UBTD1: variants seen among roughly 807,000 people sequenced by gnomAD.
The protein encoded by UBTD1 is ubiquitin domain containing 1, also known as ubiquitin domain-containing protein 1.
UBTD1 carries 19 observed loss-of-function variants against 21.7 expected under a neutral mutation model. That is an observed-to-expected ratio of 0.87 (90% CI 0.61 to 1.28). The LOEUF (loss-of-function observed/expected upper bound fraction) is 1.28, where lower values mean the gene tolerates loss of function less well. UBTD1 is among the 50% of genes most tolerant of loss of function. The pLI, the probability that UBTD1 is intolerant of heterozygous loss-of-function variation, is 0.00. For missense variants in UBTD1, 282 were observed against 315.1 expected, an observed-to-expected ratio of 0.89 and a Z score of 0.80; for synonymous variants, 116 against 135.1, an observed-to-expected ratio of 0.86 and a Z score of 0.98.
chr10:97,527,077 A>G (rs1358495186), intron 1 of UBTD1, among the ~76,000 whole-genome samples: 2 of 145,432 alleles, frequency 1.4e-5, no homozygotes, highest in East Asian at 4.3e-4. Flanking sequence ...AGGCTGAGGC[A>G]TGAGAATTGC....
intron 1 of UBTD1, among the ~76,000 whole-genome samples, chr10:97,565,855 G>C (rs949731202): frequency 2.0e-5 from 3 of 151,910 alleles, no homozygotes; most frequent in African/African-American, 7.3e-5. Flanking sequence ...TGGGACTACA[G>C]CTGCATGCCA....
intron 1 of UBTD1, among the ~76,000 whole-genome samples, chr10:97,567,607 C>T (rs531461084): frequency 4.6e-5 from 7 of 151,798 alleles, no homozygotes; most frequent in South Asian, 2.1e-4. Flanking sequence ...TGCAGTGAGC[C>T]GAGGTCATGC....
chr10:97,555,556 T>C (rs558208646), intron 1 of UBTD1, among the ~76,000 whole-genome samples: 1 of 152,302 alleles, frequency 6.6e-6, no homozygotes, highest in Non-Finnish European at 1.5e-5. Flanking sequence ...AGCTACTGCC[T>C]TAAAATCCGA....
intron 1 of UBTD1, among the ~76,000 whole-genome samples, chr10:97,557,421 G>A (rs529295759): frequency 1.4e-4 from 22 of 151,962 alleles, no homozygotes; most frequent in Non-Finnish European, 2.5e-4. Flanking sequence ...GCTCCCACTC[G>A]TGCAGGAGGG....
intron 1 of UBTD1, among the ~76,000 whole-genome samples, chr10:97,541,108 T>C (rs2040584921): frequency 6.6e-6 from 1 of 152,232 alleles, no homozygotes; most frequent in Admixed American, 6.5e-5. Context: ...TGCCTCAGTG[T>C]CCTCATCCGT....
At chr10:97,514,024 T>TA (rs992788428) in intron 1 of UBTD1, among the ~76,000 whole-genome samples, 11 of 151,986 alleles carry the variant, frequency 7.2e-5, no homozygotes, top group African/African-American at 2.7e-4. Flanking sequence ...TCTTTTTTTT[T>TA]TTTTAAAGGC....
intron 1 of UBTD1, among the ~76,000 whole-genome samples, chr10:97,555,317 A>T (rs1464400677): frequency 2.0e-5 from 3 of 152,212 alleles, no homozygotes; most frequent in Non-Finnish European, 2.9e-5. Flanking sequence ...TAAACTTCAT[A>T]AAAAATATCT....
intron 1 of UBTD1, among the ~76,000 whole-genome samples, chr10:97,532,529 C>T (rs1027015247): frequency 4.6e-5 from 7 of 151,678 alleles, no homozygotes; most frequent in Non-Finnish European, 7.4e-5. Flanking sequence ...CGGTGGCTCA[C>T]GCCTGTAATC....
At chr10:97,513,433 C>G (rs1421150824) in intron 1 of UBTD1, among the ~76,000 whole-genome samples, 1 of 152,054 alleles carries the variant, frequency 6.6e-6, no homozygotes, top group Non-Finnish European at 1.5e-5. Flanking sequence ...CCTGGGAGCT[C>G]GAGTTACGGA....
chr10:97,521,035 A>T (rs2040465038), intron 1 of UBTD1, among the ~76,000 whole-genome samples: 1 of 152,104 alleles, frequency 6.6e-6, no homozygotes, highest in Non-Finnish European at 1.5e-5. Flanking sequence ...GAGGAGGGAG[A>T]TCTGCTGGGG....
intron 1 of UBTD1, among the ~76,000 whole-genome samples, 189 bp downstream of exon 1, chr10:97,499,462 C>G (rs2040315491): frequency 1.3e-5 from 2 of 152,336 alleles, no homozygotes; most frequent in Middle Eastern, 6.8e-3. Context: ...GGGGCAACTG[C>G]GAGCACTGAG....
intron 1 of UBTD1, among the ~76,000 whole-genome samples, chr10:97,508,908 C>T (rs1382020311): frequency 1.3e-5 from 2 of 152,200 alleles, no homozygotes; most frequent in Non-Finnish European, 2.9e-5. Flanking sequence ...CCTCCTCCTT[C>T]TCCCAGAGCA....
At chr10:97,502,393 T>G (rs751818301) in intron 1 of UBTD1, among the ~76,000 whole-genome samples, 1 of 152,174 alleles carries the variant, frequency 6.6e-6, no homozygotes, top group Non-Finnish European at 1.5e-5. Flanking sequence ...TAGTTTTACG[T>G]TGTAAGACTA....
rs536278685 is a variant in UBTD1 at position 97,565,211 on chromosome 10, A to G, written c.71-2703A>G. Among the ~76,000 whole-genome samples, 3 of 152,304 alleles carry G rather than the reference A, an allele frequency of 2.0e-5. No individual in the cohort carries two copies. The East Asian group carries it at 5.8e-4, about 29-fold the overall frequency. On this transcript the variant is annotated intron_variant, in intron 1 of 2. Coordinates refer to ENST00000370664, the MANE Select transcript of UBTD1 (RefSeq NM_024954.5). ...CGGGGTTTGGCTTTTTTTGTCCAAC[A>G]GTCTGTCCCTGTTCCAGTACTGTGC...
At chr10:97,514,300 G>A (rs2040434657) in intron 1 of UBTD1, among the ~76,000 whole-genome samples, 1 of 152,004 alleles carries the variant, frequency 6.6e-6, no homozygotes, top group Non-Finnish European at 1.5e-5. Flanking sequence ...GCTGCCCCAG[G>A]GGCTCAGAGA....
chr10:97,561,076 C>T (rs978331590), intron 1 of UBTD1, among the ~76,000 whole-genome samples: 8 of 152,102 alleles, frequency 5.3e-5, no homozygotes, highest in African/African-American at 1.4e-4. Context: ...TTCAGATGTC[C>T]GGACTCCAAG....
At position 97,570,141 on chromosome 10, in the gene UBTD1, C is replaced by T. The variant is rs193146248; in HGVS notation, c.302C>T (p.Thr101Ile). Reference sequence around the variant, plus strand: ...GACAGCCCTGCCTCTCCTACAGGCACCCTCTGTGAATGCTACGATGAGCTG... The same window carrying T: ...GACAGCCCTGCCTCTCCTACAGGCATCCTCTGTGAATGCTACGATGAGCTG... ...DGASITLPHGTLCECYDELGN... is the reference protein window; with the variant it reads ...DGASITLPHGILCECYDELGN... Residue 101 changes from threonine (T) to isoleucine (I), a missense_variant, in exon 3 of 3, where the codon ACC becomes ATC. By Grantham distance (89) the Thr-to-Ile change is moderately conservative. Coordinates refer to ENST00000370664, the MANE Select transcript of UBTD1 (RefSeq NM_024954.5). The surrounding 1 kb of genome is among the most constrained non-coding windows in gnomAD (Gnocchi z 6.6). The T allele has an allele frequency of 6.2e-7, 1 of 1,601,684 alleles. No homozygotes were observed. The highest frequency in any genetic ancestry group is 8.5e-7 in the Non-Finnish European group (1 of 1,171,276).
chr10:97,559,821 C>T (rs1028507423), intron 1 of UBTD1, among the ~76,000 whole-genome samples: 1 of 152,140 alleles, frequency 6.6e-6, no homozygotes, highest in Non-Finnish European at 1.5e-5. Context: ...AATATGTTTA[C>T]ACACAGAATT....
At chr10:97,546,905 C>T (rs1050645452) in intron 1 of UBTD1, among the ~76,000 whole-genome samples, 1 of 152,118 alleles carries the variant, frequency 6.6e-6, no homozygotes. Context: ...CACACACTCT[C>T]TCTCTCTCTC....
Sources: gnomAD v4.1 joint callset for allele counts (sites outside exome capture counted in the v4.1 genomes callset) on GRCh38, gnomAD v4.1.1 for gene constraint, Gnocchi (gnomAD v3.1) non-coding constraint, MANE v1.5 for transcripts, NCBI Gene and HGNC (gene_info 2026-07-23, HGNC 2026-07-21) for gene names.